The following SHQ1 variants were observed in gnomAD, a reference collection of about 807,000 sequenced individuals.
SHQ1 encodes the protein SHQ1, H/ACA ribonucleoprotein assembly factor.
SHQ1 carries 49 observed loss-of-function variants against 53.8 expected under a neutral mutation model. The ratio of observed to expected loss-of-function variants is 0.91; its 90% CI spans 0.72 to 1.16. The LOEUF (loss-of-function observed/expected upper bound fraction) is 1.16, where lower values mean the gene tolerates loss of function less well. SHQ1 is among the 50% of genes most tolerant of loss of function. The pLI is 0.00. For synonymous variants in SHQ1, 243 were observed against 251.0 expected, an observed-to-expected ratio of 0.97 and a Z score of 0.30; for missense variants, 738 against 683.1, an observed-to-expected ratio of 1.08 and a Z score of -0.90.
chr3:72,763,511 G>A lies in SHQ1; in HGVS notation c.1182-12675C>T, dbSNP rs114809007. Among the ~76,000 whole-genome samples, 1,245 of 152,302 alleles carry A rather than the reference G, an allele frequency of 8.2e-3. 16 individuals carry two copies. The highest frequency in any genetic ancestry group is 0.029 in the African/African-American group (1,204 of 41,562). On this transcript the variant is annotated intron_variant, in intron 10 of 10. Coordinates refer to ENST00000325599, the MANE Select transcript of SHQ1 (RefSeq NM_018130.3). ...GTTGAACTGTGTCCCTGACAAAGAT[G>A]TGTTGATGTCCTAAGCCCTGGAAGC...
At chr3:72,737,168 C>T in the SHQ1 span, among the ~76,000 whole-genome samples, 2 of 151,906 alleles carry the variant, frequency 1.3e-5, no homozygotes, top group Admixed American at 6.6e-5. Flanking sequence ...GTCCTAGCTA[C>T]TCAGGAGACT....
intron 8 of SHQ1, 102 bp from the exon 9 acceptor site, chr3:72,812,896 T>G (rs995757263): frequency 2.2e-6 from 3 of 1,381,456 alleles, no homozygotes; most frequent in African/African-American, 1.4e-5. Context: ...AGCTGCAAGT[T>G]CGGATCATTG....
intron 2 of SHQ1, among the ~76,000 whole-genome samples, chr3:72,842,673 T>C (rs6765914): frequency 0.44 from 67,454 of 152,072 alleles, 15,834 homozygotes; most frequent in East Asian, 0.66. Flanking sequence ...TAAAACATAA[T>C]TCTATTTTAC....
the SHQ1 span, among the ~76,000 whole-genome samples, chr3:72,735,948 C>T: frequency 6.6e-6 from 1 of 152,014 alleles, no homozygotes; most frequent in African/African-American, 2.4e-5. Flanking sequence ...CTGGTATATG[C>T]AATTTCTTTT....
In SHQ1 at chr3:72,841,219, ATTTT is replaced by A; in HGVS notation, c.332-24_332-21del. The A allele has an allele frequency of 6.3e-7, 1 of 1,588,620 alleles. No homozygotes were observed. Among genetic ancestry groups the A allele is most frequent in the Non-Finnish European group, 8.5e-7 (1 of 1,169,886 alleles). ...AAGCACCTGAATGTGTTAAATTTTA[ATTTT>A]TTTTAAGTATTGGATTTAAGTACAA... On this transcript the variant is annotated intron_variant, in intron 3 of 10. Coordinates refer to ENST00000325599, the MANE Select transcript of SHQ1 (RefSeq NM_018130.3).
intron 10 of SHQ1, among the ~76,000 whole-genome samples, chr3:72,778,996 G>A (rs965957079): frequency 6.6e-6 from 1 of 152,044 alleles, no homozygotes; most frequent in Non-Finnish European, 1.5e-5. Context: ...GCCTCATAAG[G>A]GCATTATTAA....
At position 72,782,334 on chromosome 3, in the gene SHQ1, G is replaced by C. The variant is rs957332647; in HGVS notation, c.1181+10582C>G. Among the ~76,000 whole-genome samples, 6 of 152,042 alleles carry C rather than the reference G, an allele frequency of 3.9e-5. No individual in the cohort carries two copies. In the East Asian group the frequency reaches 7.7e-4, roughly 20 times the overall value. Reference sequence around the variant, plus strand: ...TTTCTTAAGCAAAAACAATTTCCTTGAAAGCTGTTTAAATTGAAACAGTAC... The same window carrying C: ...TTTCTTAAGCAAAAACAATTTCCTTCAAAGCTGTTTAAATTGAAACAGTAC... On this transcript the variant is annotated intron_variant, in intron 10 of 10. Transcript: ENST00000325599.
chr3:72,767,602 C>G (rs1457463807), intron 10 of SHQ1, among the ~76,000 whole-genome samples: 3 of 152,132 alleles, frequency 2.0e-5, no homozygotes, highest in Non-Finnish European at 4.4e-5. Flanking sequence ...TGCTGGATAC[C>G]TTTTTAAAAT....
At chr3:72,743,455 T>C in the SHQ1 span, among the ~76,000 whole-genome samples, 2 of 152,126 alleles carry the variant, frequency 1.3e-5, no homozygotes, top group Non-Finnish European at 2.9e-5. Flanking sequence ...ATGTGCCAAT[T>C]AGGCCAGGAG....
chr3:72,767,504 A>G (rs149422896), intron 10 of SHQ1, among the ~76,000 whole-genome samples: 50 of 152,314 alleles, frequency 3.3e-4, no homozygotes, highest in African/African-American at 1.1e-3. Context: ...AGTCTCCTAG[A>G]ATAGTTTTAC....
intron 10 of SHQ1, among the ~76,000 whole-genome samples, chr3:72,769,327 A>C (rs1174387803): frequency 6.6e-6 from 1 of 152,196 alleles, no homozygotes; most frequent in Admixed American, 6.5e-5. Flanking sequence ...TTGACAACCA[A>C]TTTAAAGTCT....
chr3:72,826,083 T>C (rs1042497859), intron 5 of SHQ1, among the ~76,000 whole-genome samples: 8 of 152,316 alleles, frequency 5.3e-5, no homozygotes, highest in South Asian at 2.1e-4. Flanking sequence ...AGCTAGGATG[T>C]AGACATACTG....
At chr3:72,787,665 C>T (rs1271716496) in intron 10 of SHQ1, among the ~76,000 whole-genome samples, 1 of 152,112 alleles carries the variant, frequency 6.6e-6, no homozygotes, top group East Asian at 1.9e-4. Context: ...ATGGTATGTG[C>T]AGTATTGCTT....
intron 9 of SHQ1, 59 bp downstream of exon 9, chr3:72,812,610 TCA>T (rs1252599155): frequency 8.7e-5 from 139 of 1,593,276 alleles, no homozygotes; most frequent in Non-Finnish European, 1.1e-4. Flanking sequence ...TATTATATCT[TCA>T]CAGACTAAAA....
chr3:72,787,536 T>C (rs1490858423), intron 10 of SHQ1, among the ~76,000 whole-genome samples: 1 of 152,196 alleles, frequency 6.6e-6, no homozygotes, highest in Non-Finnish European at 1.5e-5. Flanking sequence ...TGAGCATATA[T>C]GTACTCTTTT....
At chr3:72,785,602 G>A (rs1305534222) in intron 10 of SHQ1, among the ~76,000 whole-genome samples, 1 of 152,162 alleles carries the variant, frequency 6.6e-6, no homozygotes, top group Non-Finnish European at 1.5e-5. Context: ...CAACAATAAA[G>A]GGAGACAGCA....
intron 6 of SHQ1, among the ~76,000 whole-genome samples, chr3:72,818,371 G>A (rs943026771): frequency 3.9e-5 from 6 of 152,014 alleles, no homozygotes. Context: ...CTTATCCTAT[G>A]TCCTTGATTA....
chr3:72,792,306 G>C (rs78570234), intron 10 of SHQ1, among the ~76,000 whole-genome samples: 2,409 of 152,314 alleles, frequency 0.016, 52 homozygotes, highest in African/African-American at 0.054. Context: ...ACAGTCAATA[G>C]CAAGGCAATC....
intron 8 of SHQ1, among the ~76,000 whole-genome samples, chr3:72,815,125 T>C (rs17010172): frequency 0.03 from 4,523 of 152,136 alleles, 197 homozygotes; most frequent in African/African-American, 0.089. Context: ...CAACAAACCA[T>C]GTCTCCATCC....
Sources: allele counts gnomAD v4.1 joint callset (sites outside exome capture counted in the v4.1 genomes callset), GRCh38; gene constraint gnomAD v4.1.1; transcripts MANE v1.5; gene names NCBI Gene and HGNC (gene_info 2026-07-23, HGNC 2026-07-21).